SLC35F4: variants seen among roughly 807,000 people sequenced by gnomAD.
The protein encoded by SLC35F4 is chromosome 14 open reading frame 36.
In SLC35F4, 24 loss-of-function variants were observed where a neutral mutation model predicts 44.2. The ratio of observed to expected loss-of-function variants is 0.54; its 90% CI spans 0.39 to 0.76. The LOEUF (loss-of-function observed/expected upper bound fraction) is 0.76. SLC35F4 is among the 30% of genes least tolerant of loss of function. The probability of loss-of-function intolerance (pLI) is 0.00; values close to 1 mark genes in which losing one functional copy is unlikely to be tolerated. For missense variants in SLC35F4, 562 were observed against 586.1 expected, an observed-to-expected ratio of 0.96 and a Z score of 0.42; for synonymous variants, 238 against 223.6, an observed-to-expected ratio of 1.06 and a Z score of -0.57.
intron 1 of SLC35F4, among the ~76,000 whole-genome samples, chr14:57,632,810 G>A (rs377005598): frequency 3.3e-5 from 5 of 151,890 alleles, no homozygotes; most frequent in East Asian, 1.9e-4. Flanking sequence ...AATTTATAAC[G>A]ATATGTATCC....
chr14:57,639,719 T>A (rs1437375455), intron 1 of SLC35F4, among the ~76,000 whole-genome samples: 1 of 152,000 alleles, frequency 6.6e-6, no homozygotes, highest in Non-Finnish European at 1.5e-5. Context: ...AAATGACAAT[T>A]GTCTAAGTCT....
intron 1 of SLC35F4, among the ~76,000 whole-genome samples, chr14:57,856,707 C>T (rs1351061713): frequency 6.6e-6 from 1 of 152,000 alleles, no homozygotes; most frequent in Non-Finnish European, 1.5e-5. Flanking sequence ...TTATTTGTTA[C>T]TGTTTACAAA....
intron 1 of SLC35F4, among the ~76,000 whole-genome samples, chr14:57,666,733 G>T (rs2074321923): frequency 6.7e-6 from 1 of 149,792 alleles, no homozygotes; most frequent in African/African-American, 2.5e-5. Flanking sequence ...TCAACTGACT[G>T]TAGTTACTCA....
intron 1 of SLC35F4, among the ~76,000 whole-genome samples, chr14:57,876,327 A>T (rs775437341): frequency 6.6e-6 from 1 of 152,172 alleles, no homozygotes; most frequent in Non-Finnish European, 1.5e-5. Flanking sequence ...CAGAGTGAAG[A>T]TCTGATTGCC....
At chr14:57,583,407 C>A (rs931353282) in intron 3 of SLC35F4, among the ~76,000 whole-genome samples, 19 of 152,250 alleles carry the variant, frequency 1.2e-4, no homozygotes, top group African/African-American at 2.4e-4. Flanking sequence ...AGAACCACAA[C>A]AAAACCCATT....
intron 1 of SLC35F4, among the ~76,000 whole-genome samples, chr14:57,929,996 G>A (rs1889663794): frequency 6.6e-6 from 1 of 152,112 alleles, no homozygotes; most frequent in Admixed American, 6.5e-5. Context: ...GAGAGAGCAT[G>A]TTTCATAAAG....
At chr14:57,652,776 C>T (rs1476014022) in intron 1 of SLC35F4, among the ~76,000 whole-genome samples, 1 of 152,122 alleles carries the variant, frequency 6.6e-6, no homozygotes, top group Non-Finnish European at 1.5e-5. Context: ...TGTGAAAAAT[C>T]CTGACTTATG....
chr14:57,750,798 G>C (rs528943027), intron 1 of SLC35F4, among the ~76,000 whole-genome samples: 11 of 152,234 alleles, frequency 7.2e-5, no homozygotes, highest in African/African-American at 2.6e-4. Flanking sequence ...TTAGTCCCCT[G>C]TCTGATGAAT....
intron 1 of SLC35F4, among the ~76,000 whole-genome samples, chr14:57,645,768 A>G (rs1256758639): frequency 6.6e-6 from 1 of 151,240 alleles, no homozygotes; most frequent in Non-Finnish European, 1.5e-5. Flanking sequence ...CTTGTCATAG[A>G]TAGCTCCTAT....
At chr14:57,971,361 T>C (rs1881048849) in intron 1 of SLC35F4, among the ~76,000 whole-genome samples, 1 of 152,210 alleles carries the variant, frequency 6.6e-6, no homozygotes, top group Non-Finnish European at 1.5e-5. Flanking sequence ...TTTTAAAAGA[T>C]CCTGAATCAA....
chr14:57,687,235 G>A (rs1324169198), intron 1 of SLC35F4, among the ~76,000 whole-genome samples: 1 of 152,134 alleles, frequency 6.6e-6, no homozygotes, highest in Non-Finnish European at 1.5e-5. Context: ...CTAAGGCAAG[G>A]TTTCACTGGC....
At chr14:57,770,230 A>G (rs2077331354) in intron 1 of SLC35F4, among the ~76,000 whole-genome samples, 1 of 152,202 alleles carries the variant, frequency 6.6e-6, no homozygotes, top group Admixed American at 6.5e-5. Context: ...AGAAGCACCG[A>G]GGTCACGGGG....
chr14:57,922,174 A>AT lies in SLC35F4; in HGVS notation n.282+59738dup, dbSNP rs555846099. Among the ~76,000 whole-genome samples the AT allele has an allele frequency of 5.3e-5, 8 of 152,228 alleles. No individual in the cohort carries two copies. In the South Asian group the frequency reaches 1.5e-3, roughly 28 times the overall value. The stretch of plus-strand genomic sequence containing the variant: ...CACAGGGAGCTATAGGATGTTCAAA[A>AT]TTTTTTTAATTTTGTTTTCTGGGTC... On this transcript the variant is annotated intron_variant and non_coding_transcript_variant, in intron 1 of 1. Coordinates refer to the SLC35F4 transcript ENST00000556568.
At chr14:57,671,613 G>A (rs2074525897) in intron 1 of SLC35F4, among the ~76,000 whole-genome samples, 1 of 151,966 alleles carries the variant, frequency 6.6e-6, no homozygotes, top group African/African-American at 2.4e-5. Flanking sequence ...CCTTGGGTGG[G>A]ATTCTGATAT....
chr14:57,890,542 A>G (rs1427268336), intron 1 of SLC35F4, among the ~76,000 whole-genome samples: 1 of 130,490 alleles, frequency 7.7e-6, no homozygotes. Flanking sequence ...TATGGATGTG[A>G]GCCCCTCTCC....
chr14:57,685,377 G>C (rs892229326), intron 1 of SLC35F4, among the ~76,000 whole-genome samples: 31 of 152,070 alleles, frequency 2.0e-4, no homozygotes, highest in Non-Finnish European at 3.7e-4. Flanking sequence ...TACTTTGAGG[G>C]AATTTGAAGA....
intron 1 of SLC35F4, among the ~76,000 whole-genome samples, chr14:57,793,606 T>C (rs1456883473): frequency 6.6e-6 from 1 of 152,154 alleles, no homozygotes; most frequent in Non-Finnish European, 1.5e-5. Flanking sequence ...TTTCATGGTA[T>C]ATGTATACCA....
At chr14:57,955,532 T>C (rs1031615763) in intron 1 of SLC35F4, among the ~76,000 whole-genome samples, 3 of 152,208 alleles carry the variant, frequency 2.0e-5, no homozygotes, top group Non-Finnish European at 4.4e-5. Context: ...ATTGTATATT[T>C]AGAAAACCCC....
chr14:57,617,434 TG>T (rs2071908987), intron 1 of SLC35F4, among the ~76,000 whole-genome samples: 1 of 152,038 alleles, frequency 6.6e-6, no homozygotes, highest in South Asian at 2.1e-4. Context: ...CTGGCCTAAC[TG>T]TAGTTATTCT....
Sources: gnomAD v4.1 joint callset for allele counts (sites outside exome capture counted in the v4.1 genomes callset) on GRCh38, gnomAD v4.1.1 for gene constraint, MANE v1.5 for transcripts, NCBI Gene and HGNC (gene_info 2026-07-23, HGNC 2026-07-21) for gene names.